The following TGS1 variants were observed in gnomAD, a reference collection of about 807,000 sequenced individuals.
TGS1 encodes the protein trimethylguanosine synthase.
Under a neutral mutation model 92.2 loss-of-function variants are expected in TGS1, and 69 were observed. The observed-to-expected ratio is 0.75, with a 90% CI of 0.62 to 0.91. The LOEUF (loss-of-function observed/expected upper bound fraction) is 0.91, where lower values mean the gene tolerates loss of function less well. Among genes scored for constraint, TGS1 ranks in the 40% least tolerant of loss-of-function variants. TGS1 has a pLI of 0.00. For missense variants in TGS1, 1,062 were observed against 1,001.2 expected, an observed-to-expected ratio of 1.06 and a Z score of -0.82; for synonymous variants, 345 against 338.1, an observed-to-expected ratio of 1.02 and a Z score of -0.22.
chr8:55,810,456 G>A (rs1446576345), intron 10 of TGS1, among the ~76,000 whole-genome samples: 1 of 152,182 alleles, frequency 6.6e-6, no homozygotes, highest in African/African-American at 2.4e-5. Context: ...TCGAATTTCT[G>A]TTCATTTTGG....
In TGS1 at chr8:55,805,110, C is replaced by A. The variant is rs188303303; in HGVS notation, c.2143+74C>A. On this transcript the variant is annotated intron_variant, in intron 10 of 12. Transcript: ENST00000260129. ...GTAAATGTTTCCATTTTGCTACAGC[C>A]TATCTTACTGAGATTTAATATATAA... 4 of 1,249,564 alleles carry A rather than the reference C, an allele frequency of 3.2e-6. No homozygotes were observed. In the African/African-American group the frequency reaches 4.5e-5, roughly 14 times the overall value. 77.4% of individuals were successfully genotyped at this position (1,249,564 alleles called of 1,614,324 possible).
chr8:55,775,900 C>T (rs527917841), intron 1 of TGS1, among the ~76,000 whole-genome samples: 38 of 152,166 alleles, frequency 2.5e-4, no homozygotes, highest in African/African-American at 8.7e-4. Flanking sequence ...ACACTGTCAC[C>T]AAGTGTTTCA....
intron 12 of TGS1, among the ~76,000 whole-genome samples, chr8:55,815,399 T>C (rs1415392188): frequency 1.3e-5 from 2 of 152,134 alleles, no homozygotes; most frequent in Non-Finnish European, 2.9e-5. Context: ...AATGTATCCG[T>C]ATGTAGGACC....
At chr8:55,778,207 A>T (rs1811453497) in intron 1 of TGS1, among the ~76,000 whole-genome samples, 2 of 152,102 alleles carry the variant, frequency 1.3e-5, no homozygotes, top group South Asian at 4.1e-4. Context: ...GTGAGCCATG[A>T]TCGTACCACT....
In TGS1 at chr8:55,773,501, T is replaced by G; in HGVS notation, c.-118T>G. 1.4e-6 allele frequency: 1 copy of G among 706,418 alleles called. No individual in the cohort carries two copies. Among genetic ancestry groups the G allele is most frequent in the South Asian group, 2.0e-5 (1 of 48,824 alleles). 43.8% of individuals were successfully genotyped at this position (706,418 alleles called of 1,614,324 possible). A position where few individuals can be genotyped will look rare whatever the true frequency, so the allele number is the denominator to read the frequency against. On this transcript the variant is annotated 5_prime_UTR_variant, in exon 1 of 13. Transcript: ENST00000260129. ...CGGCGCGAGCGGCCGCGGGCCAGTT[T>G]CTATCTCCTCATCCAGGGCTTGCGG...
chr8:55,803,199 G>A lies in TGS1; in HGVS notation c.1999+593G>A, dbSNP rs539407306. Among the ~76,000 whole-genome samples the A allele has an allele frequency of 5.4e-4, 82 of 152,022 alleles. 3 individuals carry two copies. The South Asian group carries it at 0.016, about 29-fold the overall frequency. ...TTTAATCTGTATTTGTAGCACGTTA[G>A]GATAGATAGCAAAAGCAATTGATAA... On this transcript the variant is annotated intron_variant, in intron 9 of 12. Coordinates refer to ENST00000260129, the MANE Select transcript of TGS1 (RefSeq NM_024831.8).
chr8:55,776,371 C>T (rs13253511), intron 1 of TGS1, among the ~76,000 whole-genome samples: 40 of 151,130 alleles, frequency 2.6e-4, no homozygotes, highest in African/African-American at 9.3e-4. Flanking sequence ...AGCTCCACCC[C>T]CTGGGTTCAC....
intron 8 of TGS1, among the ~76,000 whole-genome samples, chr8:55,801,160 G>A (rs941239888): frequency 2.0e-5 from 3 of 152,198 alleles, no homozygotes; most frequent in African/African-American, 7.2e-5. Flanking sequence ...ACCACATAAA[G>A]CAGTGTCTTG....
At chr8:55,803,094 G>T (rs1336990394) in intron 9 of TGS1, among the ~76,000 whole-genome samples, 1 of 151,586 alleles carries the variant, frequency 6.6e-6, no homozygotes, top group East Asian at 1.9e-4. Context: ...AGGATCAATG[G>T]CCATTTATTT....
At chr8:55,774,965 G>T (rs1811344847) in intron 1 of TGS1, among the ~76,000 whole-genome samples, 1 of 152,198 alleles carries the variant, frequency 6.6e-6, no homozygotes, top group South Asian at 2.1e-4. Context: ...AAAATGGCTG[G>T]GAGGGAGGGC....
intron 8 of TGS1, 85 bp downstream of exon 8, chr8:55,799,305 A>C: frequency 7.8e-7 from 1 of 1,282,538 alleles, no homozygotes. Context: ...TTCACTTGTG[A>C]ATCTTCTGTA....
chr8:55,773,815 C>T (rs1433891272), intron 1 of TGS1, 96 bp downstream of exon 1: 17 of 987,476 alleles, frequency 1.7e-5, no homozygotes, highest in Non-Finnish European at 2.6e-5. Context: ...CTGAAAGCAG[C>T]CAGAACATCT....
intron 10 of TGS1, 138 bp downstream of exon 10, chr8:55,805,174 G>A: frequency 1.7e-6 from 1 of 599,422 alleles, no homozygotes; most frequent in East Asian, 3.8e-5. Context: ...ATAATAGCTA[G>A]CATATATTAA....
intron 4 of TGS1, among the ~76,000 whole-genome samples, chr8:55,788,533 G>C (rs537555122): frequency 2.1e-5 from 3 of 143,686 alleles, no homozygotes; most frequent in Non-Finnish European, 4.5e-5. Flanking sequence ...TCAGCTCACT[G>C]CAAGGTCCGC....
chr8:55,781,812 T>A (rs939344949), intron 1 of TGS1, among the ~76,000 whole-genome samples: 3 of 152,244 alleles, frequency 2.0e-5, no homozygotes, highest in African/African-American at 7.2e-5. Flanking sequence ...TTAGAAAAGT[T>A]ATGTTAGCTT....
intron 11 of TGS1, among the ~76,000 whole-genome samples, chr8:55,811,596 C>G (rs545183071): frequency 6.6e-6 from 1 of 151,624 alleles, no homozygotes; most frequent in Admixed American, 6.6e-5. Context: ...CTCATCTCTA[C>G]TAAAAATACA....
chr8:55,796,341 T>C (rs1812049707), intron 7 of TGS1, among the ~76,000 whole-genome samples, 189 bp downstream of exon 7: 1 of 151,588 alleles, frequency 6.6e-6, no homozygotes, highest in Non-Finnish European at 1.5e-5. Flanking sequence ...CAAGTTGAGG[T>C]AGGGTGAAAA....
intron 1 of TGS1, among the ~76,000 whole-genome samples, chr8:55,779,351 T>G (rs1811491084): frequency 6.6e-6 from 1 of 152,220 alleles, no homozygotes; most frequent in Admixed American, 6.5e-5. Context: ...CCTCAAATTA[T>G]CAGCAGCCTT....
At chr8:55,794,295 A>G (rs990513896) in intron 6 of TGS1, among the ~76,000 whole-genome samples, 15 of 152,008 alleles carry the variant, frequency 9.9e-5, no homozygotes, top group African/African-American at 3.6e-4. Context: ...GCCTCAAGTG[A>G]TCCTCCCATC....
Sources: allele counts gnomAD v4.1 joint callset (sites outside exome capture counted in the v4.1 genomes callset), GRCh38; gene constraint gnomAD v4.1.1; transcripts MANE v1.5; gene names NCBI Gene and HGNC (gene_info 2026-07-23, HGNC 2026-07-21).